TBX5: variants seen among roughly 807,000 people sequenced by gnomAD.
TBX5 encodes the protein T-box transcription factor 5.
Under a neutral mutation model 51.1 loss-of-function variants are expected in TBX5, and 8 were observed. The ratio of observed to expected loss-of-function variants is 0.16; its 90% CI spans 0.09 to 0.28. TBX5 has a LOEUF of 0.28. Ranked by LOEUF, TBX5 falls within the 10% of genes least tolerant of loss-of-function variation. TBX5 has a pLI of 1.00. For missense variants in TBX5, 589 were observed against 671.7 expected (o/e 0.88, Z 1.36); for synonymous variants, 302 against 266.4 (o/e 1.13, Z -1.30).
intron 7 of TBX5, among the ~76,000 whole-genome samples, chr12:114,376,044 C>G (rs543465629): frequency 6.6e-6 from 1 of 151,934 alleles, no homozygotes; most frequent in Non-Finnish European, 1.5e-5. Context: ...GACCTTATCT[C>G]AAAACAAAAC....
chr12:114,370,288 G>A (rs4576869), intron 7 of TBX5, among the ~76,000 whole-genome samples: 120 of 56,596 alleles, frequency 2.1e-3, no homozygotes, highest in South Asian at 4.9e-3. Flanking sequence ...GAAAAGAAAA[G>A]AAAGAAAAGA....
intron 7 of TBX5, among the ~76,000 whole-genome samples, chr12:114,371,926 G>A (rs1018122570): frequency 6.6e-6 from 1 of 152,120 alleles, no homozygotes; most frequent in Admixed American, 6.5e-5. Flanking sequence ...GCTTCTTCAA[G>A]TCTGCAAAGT....
At chr12:114,399,377 G>A (rs1031654521) in intron 4 of TBX5, 136 bp downstream of exon 4, 10 of 1,258,236 alleles carry the variant, frequency 7.9e-6, no homozygotes, top group African/African-American at 1.5e-5. Flanking sequence ...AAAGCAATGG[G>A]ATAGGCGGAC....
intron 6 of TBX5, among the ~76,000 whole-genome samples, chr12:114,393,904 CT>C (rs1363141067): frequency 6.6e-6 from 1 of 152,162 alleles, no homozygotes; most frequent in African/African-American, 2.4e-5. Flanking sequence ...CAAGGCAAAC[CT>C]TTCCCAAGAA....
chr12:114,380,694 G>C (rs150665948), intron 7 of TBX5, among the ~76,000 whole-genome samples: 4 of 152,260 alleles, frequency 2.6e-5, no homozygotes, highest in African/African-American at 9.6e-5. Context: ...GCTGGGCATG[G>C]TGGTATGCAC....
upstream of TBX5, chr12:114,406,991 C>T: frequency 1.1e-6 from 1 of 939,052 alleles, no homozygotes; most frequent in Non-Finnish European, 1.3e-6. Flanking sequence ...GTTTCCCATC[C>T]TTACCTCCTG....
chr12:114,383,711 T>G (rs1363885911), intron 7 of TBX5, among the ~76,000 whole-genome samples: 1 of 152,148 alleles, frequency 6.6e-6, no homozygotes, highest in Non-Finnish European at 1.5e-5. Context: ...CTGGAAGGTA[T>G]AATCAGTAGG....
chr12:114,382,792 G>A (rs1024377601), intron 7 of TBX5, among the ~76,000 whole-genome samples: 3 of 151,970 alleles, frequency 2.0e-5, no homozygotes, highest in Admixed American at 6.6e-5. Context: ...GGGAGATTCC[G>A]CCTCAAAAAA....
At chr12:114,407,987 T>C (rs1267144778), upstream of TBX5, 15 of 985,352 alleles carry the variant, frequency 1.5e-5, no homozygotes, top group Non-Finnish European at 1.6e-5. Context: ...GGTTGGTTTG[T>C]GGTCTCCGAC....
intron 3 of TBX5, among the ~76,000 whole-genome samples, chr12:114,400,485 A>G (rs1257682185): frequency 6.6e-6 from 1 of 152,232 alleles, no homozygotes. Flanking sequence ...TGCCCCAGAA[A>G]GCAAAGATTC....
chr12:114,357,023 G>GATGGATGC (rs1373427783), intron 8 of TBX5, among the ~76,000 whole-genome samples: 1 of 113,004 alleles, frequency 8.8e-6, no homozygotes, highest in African/African-American at 2.9e-5. Context: ...TGGATGGATG[G>GATGGATGC]ATGGATGCAT....
chr12:114,395,757 T>A (rs920182630), intron 5 of TBX5, among the ~76,000 whole-genome samples: 4 of 152,126 alleles, frequency 2.6e-5, no homozygotes, highest in Admixed American at 6.6e-5. Flanking sequence ...TTTAGGGGTG[T>A]TCCCAGGGAC....
At chr12:114,370,088 C>T (rs958075549) in intron 7 of TBX5, among the ~76,000 whole-genome samples, 1 of 151,822 alleles carries the variant, frequency 6.6e-6, no homozygotes, top group Non-Finnish European at 1.5e-5. Context: ...AACCTTGTCT[C>T]TACTAAAAAT....
chr12:114,356,192 A>G, intron 8 of TBX5, 86 bp from the exon 9 acceptor site: 1 of 1,289,910 alleles, frequency 7.8e-7, no homozygotes, highest in African/African-American at 1.5e-5. Context: ...CAAAGTACTG[A>G]AGAATAAGTC....
upstream of TBX5, chr12:114,407,674 A>G (rs1202476089): frequency 1.3e-6 from 1 of 779,030 alleles, no homozygotes; most frequent in Non-Finnish European, 1.6e-6. Context: ...TGACACACGA[A>G]GCCATTCTTA....
At chr12:114,357,168 G>A (rs1868973753) in intron 8 of TBX5, among the ~76,000 whole-genome samples, 9 of 152,136 alleles carry the variant, frequency 5.9e-5, no homozygotes. Context: ...GTTTCCTGCT[G>A]AGCAAGTCCC....
rs763219727 is a variant in TBX5 at position 114,401,832 on chromosome 12, G to A, written c.236C>T (p.Ala79Val). The change falls in exon 3 of 9, where the codon GCT becomes GTT. Residue 79 changes from alanine (A) to valine (V), a missense_variant. Ala to Val is a moderately conservative substitution (Grantham distance 64). This residue lies in a region of TBX5 where 13 missense variants were observed against 32.0 expected (regional missense o/e 0.41). Transcript: ENST00000405440. Reference sequence around the variant, plus strand: ...ACACAACAAACCATCTCACCTTCCAGCCTTGGTTATGATCATTTCCGTGCC... The same window carrying A: ...ACACAACAAACCATCTCACCTTCCAACCTTGGTTATGATCATTTCCGTGCC... ...EVGTEMIITK[A>V]GRRMFPSYKV... 2 of 1,613,718 alleles carry A rather than the reference G, an allele frequency of 1.2e-6. No homozygotes were observed. The highest frequency in any genetic ancestry group is 1.1e-5 in the South Asian group (1 of 91,048).
In TBX5 at chr12:114,387,899, C is replaced by T. The variant is rs149635336; in HGVS notation, c.664-2332G>A. On this transcript the variant is annotated intron_variant, in intron 6 of 8. Transcript: ENST00000405440. Reference sequence around the variant, plus strand: ...TCACCCAGGCTGGAGTGCTGCAGTGCGAACATAGCTCACTGCAGCCTCAAA... The same window carrying T: ...TCACCCAGGCTGGAGTGCTGCAGTGTGAACATAGCTCACTGCAGCCTCAAA... 1.1e-4 allele frequency among the ~76,000 whole-genome samples: 17 copies of T among 152,054 alleles called. No individual in the cohort carries two copies. In the East Asian group the frequency reaches 2.3e-3, roughly 21 times the overall value.
chr12:114,384,565 T>G lies in TBX5; in HGVS notation c.755+911A>C, dbSNP rs76036798. On this transcript the variant is annotated intron_variant, in intron 7 of 8. Transcript: ENST00000405440. ...GATTTAAGGTCTTTCTCCCTTTATGTTCTTAGGTCTCTTATCTTTCTTTGA... is the reference window on the plus strand; with the variant it reads ...GATTTAAGGTCTTTCTCCCTTTATGGTCTTAGGTCTCTTATCTTTCTTTGA... 3.1e-3 allele frequency among the ~76,000 whole-genome samples: 472 copies of G among 152,280 alleles called. 2 individuals are homozygous for G. Among genetic ancestry groups the G allele is most frequent in the Non-Finnish European group, 4.1e-3 (280 of 68,034 alleles).
Sources: gnomAD v4.1 joint callset for allele counts (sites outside exome capture counted in the v4.1 genomes callset) on GRCh38, gnomAD v4.1.1 for gene constraint, gnomAD v4.1.1 regional missense constraint, MANE v1.5 for transcripts, NCBI Gene and HGNC (gene_info 2026-07-23, HGNC 2026-07-21) for gene names.